The following CDH18 variants were observed in gnomAD, a reference collection of about 807,000 sequenced individuals.
The protein encoded by CDH18 is cadherin-18.
CDH18 carries 31 observed loss-of-function variants against 67.9 expected under a neutral mutation model. That is an observed-to-expected ratio of 0.46 (90% CI 0.34 to 0.62). CDH18 has a LOEUF of 0.62. Among genes scored for constraint, CDH18 ranks in the 20% least tolerant of loss-of-function variants. CDH18 has a pLI of 0.01. For missense variants in CDH18, 890 were observed against 975.5 expected, an observed-to-expected ratio of 0.91 and a Z score of 1.17; for synonymous variants, 362 against 347.2, an observed-to-expected ratio of 1.04 and a Z score of -0.48.
intron 1 of CDH18, among the ~76,000 whole-genome samples, chr5:20,356,749 C>CTATATATATATA (rs1287623869): frequency 4.0e-4 from 52 of 129,156 alleles, no homozygotes; most frequent in African/African-American, 1.7e-3. Flanking sequence ...CTCTCTCTCT[C>CTATATATATATA]TCTCTATATA....
chr5:19,501,172 TA>T (rs1278004097), intron 11 of CDH18, among the ~76,000 whole-genome samples: 7 of 148,046 alleles, frequency 4.7e-5, no homozygotes, highest in African/African-American at 1.5e-4. Flanking sequence ...TACATATATA[TA>T]AAAATATATA....
chr5:20,352,624 CA>C (rs35947411), intron 1 of CDH18, among the ~76,000 whole-genome samples: 2,970 of 89,086 alleles, frequency 0.033, 58 homozygotes, highest in East Asian at 0.086. Context: ...ACTAAAAATA[CA>C]AAAAAAAAAA....
At chr5:20,335,927 A>C (rs961363002) in intron 1 of CDH18, among the ~76,000 whole-genome samples, 2 of 152,212 alleles carry the variant, frequency 1.3e-5, no homozygotes, top group African/African-American at 4.8e-5. Context: ...TTTTAACAAA[A>C]CTTGGTCTTA....
intron 1 of CDH18, among the ~76,000 whole-genome samples, chr5:20,257,235 A>C (rs1330933774): frequency 1.3e-5 from 2 of 152,094 alleles, no homozygotes; most frequent in Non-Finnish European, 2.9e-5. Flanking sequence ...ACTGGTGTTA[A>C]TCATAACTAA....
upstream of CDH18, among the ~76,000 whole-genome samples, chr5:19,989,234 G>A (rs1799836227): frequency 6.6e-6 from 1 of 152,202 alleles, no homozygotes; most frequent in Admixed American, 6.5e-5. Flanking sequence ...CCCCTTGGCA[G>A]ATATAATAAG....
chr5:19,692,120 A>G (rs980362902), intron 5 of CDH18, among the ~76,000 whole-genome samples: 3 of 152,050 alleles, frequency 2.0e-5, no homozygotes, highest in Admixed American at 6.6e-5. Context: ...TACCAAGAAC[A>G]CTGATAGAGG....
At chr5:19,758,521 G>C (rs1225941305) in intron 3 of CDH18, among the ~76,000 whole-genome samples, 1 of 152,192 alleles carries the variant, frequency 6.6e-6, no homozygotes, top group Admixed American at 6.5e-5. Flanking sequence ...ACAGAAGCCT[G>C]GATCTGTTGC....
intron 7 of CDH18, among the ~76,000 whole-genome samples, chr5:19,576,647 A>C (rs1742356448): frequency 6.6e-6 from 1 of 152,186 alleles, no homozygotes; most frequent in South Asian, 2.1e-4. Flanking sequence ...TGGTTTTGTA[A>C]ATTAGTACAG....
intron 3 of CDH18, among the ~76,000 whole-genome samples, chr5:19,775,468 G>A (rs1054698103): frequency 6.6e-6 from 1 of 151,990 alleles, no homozygotes; most frequent in African/African-American, 2.4e-5. Context: ...GCATCAAGAG[G>A]TTTACAGTTG....
At chr5:19,601,696 T>C (rs2150067872) in intron 6 of CDH18, among the ~76,000 whole-genome samples, 1 of 152,118 alleles carries the variant, frequency 6.6e-6, no homozygotes, top group East Asian at 1.9e-4. Flanking sequence ...ATACAAAAAT[T>C]ATTAACAAAA....
At chr5:19,610,436 C>T (rs916616026) in intron 6 of CDH18, among the ~76,000 whole-genome samples, 1 of 151,944 alleles carries the variant, frequency 6.6e-6, no homozygotes, top group African/African-American at 2.4e-5. Flanking sequence ...ATTTTCTGTA[C>T]ATCTGCAAAG....
chr5:19,932,169 G>A (rs1793766185), intron 2 of CDH18, among the ~76,000 whole-genome samples: 1 of 151,684 alleles, frequency 6.6e-6, no homozygotes, highest in African/African-American at 2.4e-5. Context: ...AGTTCTCTGA[G>A]AACTATAAGA....
chr5:19,614,427 A>G (rs1749499950), intron 5 of CDH18, among the ~76,000 whole-genome samples: 1 of 151,608 alleles, frequency 6.6e-6, no homozygotes, highest in South Asian at 2.1e-4. Context: ...GCATATGAAA[A>G]AGCCTCAAGC....
intron 1 of CDH18, among the ~76,000 whole-genome samples, chr5:20,535,629 T>C (rs1249136173): frequency 6.6e-6 from 1 of 152,148 alleles, no homozygotes. Context: ...ATGAGGAATC[T>C]TCCCAGTGTG....
chr5:20,485,447 A>G (rs557387744), intron 1 of CDH18, among the ~76,000 whole-genome samples: 5 of 152,330 alleles, frequency 3.3e-5, no homozygotes, highest in South Asian at 4.1e-4. Flanking sequence ...AAGAACATAT[A>G]CTTGTGGAAG....
At chr5:20,449,836 T>A (rs62352847) in intron 1 of CDH18, among the ~76,000 whole-genome samples, 2,708 of 151,716 alleles carry the variant, frequency 0.018, 39 homozygotes, top group African/African-American at 0.032. Flanking sequence ...AGAAAAAATA[T>A]ATATATATAA....
intron 1 of CDH18, among the ~76,000 whole-genome samples, chr5:20,471,281 T>C (rs1192215468): frequency 3.9e-5 from 6 of 152,138 alleles, no homozygotes; most frequent in Admixed American, 2.6e-4. Context: ...ATCATTCTCA[T>C]TGTTGTCATT....
chr5:20,109,307 G>A (rs1358353002), intron 2 of CDH18, among the ~76,000 whole-genome samples: 2 of 152,186 alleles, frequency 1.3e-5, no homozygotes, highest in African/African-American at 4.8e-5. Context: ...TCTGACGAGA[G>A]ACACAGTCTC....
At chr5:19,667,769 T>C (rs2150337824) in intron 5 of CDH18, among the ~76,000 whole-genome samples, 1 of 151,984 alleles carries the variant, frequency 6.6e-6, no homozygotes, top group South Asian at 2.1e-4. Flanking sequence ...TGAAATATTT[T>C]ACCAATATAT....
Sources: allele counts gnomAD v4.1 joint callset (sites outside exome capture counted in the v4.1 genomes callset), GRCh38; gene constraint gnomAD v4.1.1; transcripts MANE v1.5; gene names NCBI Gene and HGNC (gene_info 2026-07-23, HGNC 2026-07-21).